The following AMBRA1 variants were observed in gnomAD, a reference collection of about 807,000 sequenced individuals.
The protein encoded by AMBRA1 is activating molecule in BECN1-regulated autophagy protein 1.
In AMBRA1, 47 loss-of-function variants were observed where a neutral mutation model predicts 125.4. The observed-to-expected ratio is 0.37, with a 90% CI of 0.30 to 0.48. The LOEUF is 0.48. Ranked by LOEUF, AMBRA1 falls within the 20% of genes least tolerant of loss-of-function variation. The pLI, the probability that AMBRA1 is intolerant of heterozygous loss-of-function variation, is 0.99. For missense variants in AMBRA1, 1,331 were observed against 1,693.4 expected (o/e 0.79, Z 3.76); for synonymous variants, 626 against 655.5 (o/e 0.95, Z 0.69).
At chr11:46,475,847 G>A (rs1246855337) in intron 11 of AMBRA1, among the ~76,000 whole-genome samples, 1 of 152,206 alleles carries the variant, frequency 6.6e-6, no homozygotes, top group Non-Finnish European at 1.5e-5. Flanking sequence ...GCATTCACAA[G>A]AAAGAAGGCA....
intron 14 of AMBRA1, among the ~76,000 whole-genome samples, chr11:46,429,657 A>G (rs1293613395): frequency 3.3e-5 from 5 of 152,072 alleles, no homozygotes; most frequent in Non-Finnish European, 7.4e-5. Context: ...GTAATTTTGT[A>G]TTTTTGTTAT....
intron 1 of AMBRA1, among the ~76,000 whole-genome samples, chr11:46,586,183 G>C (rs577274566): frequency 6.6e-6 from 1 of 152,278 alleles, no homozygotes; most frequent in East Asian, 1.9e-4. Context: ...GAGGTGGGCA[G>C]ATCACTTGAA....
intron 11 of AMBRA1, among the ~76,000 whole-genome samples, chr11:46,463,828 C>T (rs1949207191): frequency 6.6e-6 from 1 of 152,170 alleles, no homozygotes. Context: ...GCGGGCTTCC[C>T]TCTGCAAGTT....
intron 1 of AMBRA1, among the ~76,000 whole-genome samples, chr11:46,579,045 TA>T (rs11393945): frequency 0.029 from 1,964 of 68,042 alleles, 29 homozygotes; most frequent in African/African-American, 0.071. Flanking sequence ...AAGAAAGCAA[TA>T]AAAAAAAAAA....
At position 46,566,858 on chromosome 11, in the gene AMBRA1, G is replaced by A. The variant is rs1029638913; in HGVS notation, c.-120-18358C>T. ...TAATAGCCCTTCTTAAAACTAAACC[G>A]CCATTGTAAAACTAATAAAAGGCCC... On this transcript the variant is annotated intron_variant, in intron 1 of 17. Coordinates refer to ENST00000683756, the MANE Select transcript of AMBRA1 (RefSeq NM_001387011.1). 5.9e-5 allele frequency among the ~76,000 whole-genome samples: 9 copies of A among 152,084 alleles called. 1 individual carries two copies. Among genetic ancestry groups the A allele is most frequent in the South Asian group, 2.1e-4 (1 of 4,820 alleles).
intron 14 of AMBRA1, chr11:46,429,174 G>A: frequency 6.5e-7 from 1 of 1,531,618 alleles, no homozygotes. Flanking sequence ...GCCACGCACT[G>A]GCTTCATCCT....
At position 46,397,604 on chromosome 11, in the gene AMBRA1, AGGGTTGGCT is replaced by A. The variant is rs1393478404; in HGVS notation, c.3734_3742del (p.Gln1245_Thr1247del). On this transcript the variant is annotated inframe_deletion, in exon 18 of 18. Transcript: ENST00000683756. ...AATGGGGACAGGGGAGGAAGAGGGC[AGGGTTGGCT>A]GGGTTGGCTCCCGCCCAGGGGTACC... 4 of 1,608,300 alleles carry A rather than the reference AGGGTTGGCT, an allele frequency of 2.5e-6. No individual in the cohort carries two copies. The highest frequency in any genetic ancestry group is 4.5e-5 in the East Asian group (2 of 44,768).
intron 5 of AMBRA1, among the ~76,000 whole-genome samples, chr11:46,545,265 T>C (rs955158000): frequency 2.1e-5 from 3 of 144,568 alleles, no homozygotes; most frequent in Non-Finnish European, 4.5e-5. Context: ...TTCAAGACCA[T>C]CCTGGACAAC....
At chr11:46,524,278 G>A (rs761541909) in intron 7 of AMBRA1, among the ~76,000 whole-genome samples, 6 of 152,194 alleles carry the variant, frequency 3.9e-5, no homozygotes, top group South Asian at 2.1e-4. Context: ...GGCAATGTCT[G>A]CTGACATTTT....
intron 11 of AMBRA1, among the ~76,000 whole-genome samples, chr11:46,481,022 T>A (rs1950044509): frequency 6.6e-6 from 1 of 152,188 alleles, no homozygotes; most frequent in Admixed American, 6.5e-5. Context: ...AAAATGCCAA[T>A]AGCAACTTAA....
chr11:46,496,338 C>T (rs1178026283), intron 9 of AMBRA1, among the ~76,000 whole-genome samples: 2 of 152,022 alleles, frequency 1.3e-5, no homozygotes, highest in African/African-American at 4.8e-5. Context: ...GCTGAAATTG[C>T]GCCTTTGCAC....
In AMBRA1 at chr11:46,488,795, G is replaced by A. The variant is rs186666929; in HGVS notation, c.2521+4813C>T. ...GATCAAATTAAATAAGAGAACAACA[G>A]AAGGAAATTTGGGAAATTCAAAATA... On this transcript the variant is annotated intron_variant, in intron 11 of 17. Transcript: ENST00000683756. Among the ~76,000 whole-genome samples the A allele has an allele frequency of 9.8e-5, 15 of 152,310 alleles. No homozygotes were observed. In the East Asian group the frequency reaches 2.5e-3, roughly 25 times the overall value.
At chr11:46,535,666 GATA>G (rs535469646) in intron 7 of AMBRA1, among the ~76,000 whole-genome samples, 98 of 152,282 alleles carry the variant, frequency 6.4e-4, no homozygotes, top group African/African-American at 2.3e-3. Flanking sequence ...GACTGGCAGA[GATA>G]ATAATATTAC....
At chr11:46,436,394 T>C (rs1197208593) in intron 12 of AMBRA1, among the ~76,000 whole-genome samples, 3 of 152,254 alleles carry the variant, frequency 2.0e-5, no homozygotes, top group Admixed American at 6.5e-5. Flanking sequence ...GATTAGGCTA[T>C]TGTGCCAACT....
At chr11:46,568,127 G>A (rs536034349) in intron 1 of AMBRA1, among the ~76,000 whole-genome samples, 3 of 151,836 alleles carry the variant, frequency 2.0e-5, no homozygotes, top group African/African-American at 7.3e-5. Context: ...CAGCCTGGGA[G>A]ACAGAGTGAG....
intron 11 of AMBRA1, among the ~76,000 whole-genome samples, chr11:46,466,802 ACCCACCCT>A (rs1344275171): frequency 1.3e-5 from 2 of 151,902 alleles, no homozygotes; most frequent in African/African-American, 4.8e-5. Flanking sequence ...CAGCCCCATG[ACCCACCCT>A]CCTTGATTTC....
chr11:46,589,626 CT>C (rs762566166), intron 1 of AMBRA1, among the ~76,000 whole-genome samples: 34 of 147,114 alleles, frequency 2.3e-4, no homozygotes, highest in Admixed American at 2.7e-4. Flanking sequence ...AAATTGCCAA[CT>C]TTTTTTTTTT....
chr11:46,559,434 C>T (rs1226163847), intron 1 of AMBRA1, among the ~76,000 whole-genome samples: 5 of 152,132 alleles, frequency 3.3e-5, no homozygotes, highest in Non-Finnish European at 7.3e-5. Context: ...AAGGACTAAT[C>T]CATCACTACC....
At chr11:46,457,065 G>C (rs1018594688) in intron 11 of AMBRA1, among the ~76,000 whole-genome samples, 2 of 152,176 alleles carry the variant, frequency 1.3e-5, no homozygotes, top group African/African-American at 2.4e-5. Context: ...GCTTCTAAAG[G>C]GTGAAAAGCT....
Sources: allele counts gnomAD v4.1 joint callset (sites outside exome capture counted in the v4.1 genomes callset), GRCh38; gene constraint gnomAD v4.1.1; transcripts MANE v1.5; gene names NCBI Gene and HGNC (gene_info 2026-07-23, HGNC 2026-07-21).